Variants in TAFA4 observed in about 807,000 individuals in gnomAD.
TAFA4 encodes the protein chemokine-like protein TAFA-4.
TAFA4 carries 20 observed loss-of-function variants against 21.1 expected under a neutral mutation model. The observed-to-expected ratio is 0.95, with a 90% CI of 0.67 to 1.38. The LOEUF (loss-of-function observed/expected upper bound fraction) is 1.38, where lower values mean the gene tolerates loss of function less well. TAFA4 is among the 40% of genes most tolerant of loss of function. TAFA4 has a pLI of 0.00. For missense variants in TAFA4, 211 were observed against 180.9 expected (o/e 1.17, Z -0.95); for synonymous variants, 71 against 67.4 (o/e 1.05, Z -0.26).
intron 3 of TAFA4, among the ~76,000 whole-genome samples, chr3:68,779,507 C>T (rs939400849): frequency 6.6e-6 from 1 of 152,150 alleles, no homozygotes; most frequent in African/African-American, 2.4e-5. Context: ...GGTCCCTCTG[C>T]TGTGTGCATC....
At chr3:68,850,847 A>T (rs1487709372) in intron 3 of TAFA4, among the ~76,000 whole-genome samples, 6 of 151,810 alleles carry the variant, frequency 4.0e-5, no homozygotes, top group African/African-American at 1.5e-4. Context: ...GTTCTCTCTG[A>T]TGATAGTTTC....
chr3:68,798,862 G>T (rs1230031387), intron 3 of TAFA4, among the ~76,000 whole-genome samples: 4 of 151,926 alleles, frequency 2.6e-5, no homozygotes, highest in African/African-American at 9.7e-5. Flanking sequence ...AAATTTAAAA[G>T]GAACAAGAAA....
At position 68,929,558 on chromosome 3, in the gene TAFA4, A is replaced by T. The variant is rs542566729; in HGVS notation, c.-123+2682T>A. ...ACTCATGTACTCAAATTAGCCCATCACCTACGTGGCTATCTCTAGGACAAA... is the reference window on the plus strand; with the variant it reads ...ACTCATGTACTCAAATTAGCCCATCTCCTACGTGGCTATCTCTAGGACAAA... On this transcript the variant is annotated intron_variant, in intron 1 of 5. Coordinates refer to ENST00000295569, the MANE Select transcript of TAFA4 (RefSeq NM_182522.5). 3.9e-5 allele frequency among the ~76,000 whole-genome samples: 6 copies of T among 152,350 alleles called. No individual in the cohort carries two copies. In the South Asian group the frequency reaches 6.2e-4, roughly 16 times the overall value.
chr3:68,871,845 A>C (rs1466498511), intron 3 of TAFA4, among the ~76,000 whole-genome samples: 1 of 152,150 alleles, frequency 6.6e-6, no homozygotes. Flanking sequence ...TCAAAACCAC[A>C]CTGAGATATC....
chr3:68,734,751 TAAATA>T (rs920112206), intron 5 of TAFA4, among the ~76,000 whole-genome samples: 2 of 151,854 alleles, frequency 1.3e-5, no homozygotes, highest in Admixed American at 6.6e-5. Context: ...CGTCAAAGAG[TAAATA>T]AAATATGTGA....
At position 68,740,395 on chromosome 3, in the gene TAFA4, G is replaced by A. The variant is rs143151036; in HGVS notation, c.287-1196C>T. ...TCCATGCCATTCTAGTGAGTGGACA[G>A]CAACCACTTAAAGTCAATTACAAGA... On this transcript the variant is annotated intron_variant, in intron 4 of 5. Transcript: ENST00000295569. 3.0e-3 allele frequency among the ~76,000 whole-genome samples: 452 copies of A among 152,308 alleles called. 1 individual carries two copies. The highest frequency in any genetic ancestry group is 6.8e-3 in the Middle Eastern group (2 of 294).
intron 3 of TAFA4, among the ~76,000 whole-genome samples, chr3:68,790,738 A>G (rs1478930600): frequency 6.6e-6 from 1 of 152,214 alleles, no homozygotes; most frequent in Non-Finnish European, 1.5e-5. Flanking sequence ...AAATGTGCCA[A>G]CTGGGGAGAA....
chr3:68,792,980 C>A (rs1703391095), intron 3 of TAFA4, among the ~76,000 whole-genome samples: 1 of 152,158 alleles, frequency 6.6e-6, no homozygotes, highest in Non-Finnish European at 1.5e-5. Flanking sequence ...CCTTATACAG[C>A]TGTGCTACTG....
intron 3 of TAFA4, among the ~76,000 whole-genome samples, chr3:68,840,965 C>T (rs1054963954): frequency 2.0e-5 from 3 of 152,178 alleles, no homozygotes; most frequent in East Asian, 1.9e-4. Context: ...GCTACCAATA[C>T]GATAGCACTA....
At chr3:68,823,826 C>T (rs1416620229) in intron 3 of TAFA4, among the ~76,000 whole-genome samples, 9 of 152,030 alleles carry the variant, frequency 5.9e-5, no homozygotes, top group South Asian at 4.1e-4. Context: ...AATGATAGAC[C>T]GTATAAGGAA....
chr3:68,776,113 TA>T (rs1328319977), intron 3 of TAFA4, among the ~76,000 whole-genome samples: 1 of 151,780 alleles, frequency 6.6e-6, no homozygotes, highest in African/African-American at 2.4e-5. Flanking sequence ...TGGAGGGACA[TA>T]AAAAGAGAGG....
At chr3:68,777,510 G>T (rs914643301) in intron 3 of TAFA4, among the ~76,000 whole-genome samples, 2 of 151,976 alleles carry the variant, frequency 1.3e-5, no homozygotes, top group African/African-American at 4.8e-5. Flanking sequence ...AATTTAAGCA[G>T]CTACATAGGG....
At position 68,874,771 on chromosome 3, in the gene TAFA4, C is replaced by A. The variant is rs779062005; in HGVS notation, c.130+5959G>T. Among the ~76,000 whole-genome samples, 109 of 146,196 alleles carry A rather than the reference C, an allele frequency of 7.5e-4. 2 individuals are homozygous for A. The highest frequency in any genetic ancestry group is 2.9e-4 in the Non-Finnish European group (19 of 65,432). On this transcript the variant is annotated intron_variant, in intron 3 of 5. Coordinates refer to ENST00000295569, the MANE Select transcript of TAFA4 (RefSeq NM_182522.5). Reference sequence around the variant, plus strand: ...AAATTCTTTACTCCCGTCAGTAATACAACCCTTTCTTTACACACACACACA... The same window carrying A: ...AAATTCTTTACTCCCGTCAGTAATAAAACCCTTTCTTTACACACACACACA...
chr3:68,813,353 G>T (rs116157822), intron 3 of TAFA4, among the ~76,000 whole-genome samples: 18 of 152,036 alleles, frequency 1.2e-4, no homozygotes, highest in Middle Eastern at 6.8e-3. Context: ...GAGACACAGA[G>T]AACCCTTCAA....
In TAFA4 at chr3:68,920,556, C is replaced by G. The variant is rs900259299; in HGVS notation, c.-123+11684G>C. Among the ~76,000 whole-genome samples the G allele has an allele frequency of 5.7e-4, 86 of 151,742 alleles. 1 individual carries two copies. Among genetic ancestry groups the G allele is most frequent in the African/African-American group, 1.7e-3 (69 of 41,202 alleles). On this transcript the variant is annotated intron_variant, in intron 1 of 5. Coordinates refer to ENST00000295569, the MANE Select transcript of TAFA4 (RefSeq NM_182522.5). ...TAAATATTTTAAATATGCGCAGAAG[C>G]CCAAACTCTTCATAGTATCTGAGAA...
intron 1 of TAFA4, among the ~76,000 whole-genome samples, chr3:68,929,521 C>G (rs959514336): frequency 2.6e-5 from 4 of 152,206 alleles, no homozygotes; most frequent in African/African-American, 7.2e-5. Context: ...TAGCCAACAC[C>G]TGAAGAAATG....
At chr3:68,749,009 A>C (rs1356358786) in intron 4 of TAFA4, among the ~76,000 whole-genome samples, 2 of 152,232 alleles carry the variant, frequency 1.3e-5, no homozygotes, top group Non-Finnish European at 2.9e-5. Flanking sequence ...TGTATATGCC[A>C]GCCGAAGATT....
chr3:68,752,062 G>C (rs1702565750), intron 4 of TAFA4, among the ~76,000 whole-genome samples: 1 of 152,160 alleles, frequency 6.6e-6, no homozygotes, highest in South Asian at 2.1e-4. Context: ...AGCCGTTCTT[G>C]TTCACTGTGC....
At chr3:68,900,240 TTAATAATAATAATAATAATAA>T (rs3048092) in intron 1 of TAFA4, among the ~76,000 whole-genome samples, 2,114 of 132,826 alleles carry the variant, frequency 0.016, 53 homozygotes, top group African/African-American at 0.055. Context: ...AGACTCTCTC[TTAATAATAATAATAATAATAA>T]TAATAATAAT....
Sources: allele counts gnomAD v4.1 joint callset (sites outside exome capture counted in the v4.1 genomes callset), GRCh38; gene constraint gnomAD v4.1.1; transcripts MANE v1.5; gene names NCBI Gene and HGNC (gene_info 2026-07-23, HGNC 2026-07-21).